Variants in ZFP82 observed in about 807,000 individuals in gnomAD.
ZFP82 encodes ZFP82 zinc finger protein.
A neutral mutation model predicts 54.0 loss-of-function variants in ZFP82; 30 were observed. The ratio of observed to expected loss-of-function variants is 0.56; its 90% confidence interval spans 0.42 to 0.75. ZFP82 has a LOEUF of 0.75. Among genes scored for constraint, ZFP82 ranks in the 30% least tolerant of loss-of-function variants. The pLI is 0.00. For synonymous variants in ZFP82, 194 were observed against 209.5 expected, an observed-to-expected ratio of 0.93 and a Z score of 0.64; for missense variants, 500 against 636.8, an observed-to-expected ratio of 0.79 and a Z score of 2.31.
At chr19:36,415,824 A>G (rs1156534178) in intron 1 of ZFP82, among the ~76,000 whole-genome samples, 4 of 152,224 alleles carry the variant, frequency 2.6e-5, no homozygotes, top group Admixed American at 6.5e-5. Context: ...TGTGGCACAA[A>G]TAAGTAACAC....
intron 4 of ZFP82, chr19:36,395,930 C>CTT (rs2032285642): frequency 6.6e-6 from 1 of 152,388 alleles, no homozygotes; most frequent in Non-Finnish European, 1.5e-5. Context: ...GAGTCTCACT[C>CTT]TGTCACCCAG....
rs2032158968 is a variant in ZFP82 at position 36,389,503 on chromosome 19, A to C, written c.*3238T>G. ...TCTATCCCTCCCACCTTTTGTTTTT[A>C]AGTATTTAAAAGTAAATCACAGGCA... On this transcript the variant is annotated 3_prime_UTR_variant, in exon 5 of 5. Transcript: ENST00000392161. Among the ~76,000 whole-genome samples the C allele has an allele frequency of 6.6e-6, 1 of 152,190 alleles. No individual in the cohort carries two copies. The highest frequency in any genetic ancestry group is 1.5e-5 in the Non-Finnish European group (1 of 68,038).
chr19:36,418,353 T>C (rs1441760617), intron 1 of ZFP82, 139 bp downstream of exon 1: 1 of 152,256 alleles, frequency 6.6e-6, no homozygotes, highest in Non-Finnish European at 1.5e-5. Flanking sequence ...CCTTCGCTCA[T>C]ACAATAGTCT....
At position 36,391,451 on chromosome 19, in the gene ZFP82, G is replaced by C. The variant is rs1231547032; in HGVS notation, c.*1290C>G. 1 of 151,504 alleles carries C rather than the reference G, an allele frequency of 6.6e-6. No individual in the cohort carries two copies. 9.4% of individuals were successfully genotyped at this position (151,504 alleles called of 1,614,324 possible). A position where few individuals can be genotyped will look rare whatever the true frequency, so the allele number is the denominator to read the frequency against. ...TTTGTCAATTTTTAATATTGACTGG[G>C]GCCAGAGAATACTGATTGTAGTTTT... is the stretch of plus-strand genomic sequence containing the variant. On this transcript the variant is annotated 3_prime_UTR_variant, in exon 5 of 5. Coordinates refer to ENST00000392161, the MANE Select transcript of ZFP82 (RefSeq NM_133466.4).
downstream of ZFP82, chr19:36,383,837 T>G (rs1259407615): frequency 6.6e-6 from 1 of 152,184 alleles, no homozygotes; most frequent in Non-Finnish European, 1.5e-5. Flanking sequence ...TTTAAGAATC[T>G]TATAATTCTT....
chr19:36,414,049 C>G (rs964707494), intron 1 of ZFP82, among the ~76,000 whole-genome samples: 1 of 151,350 alleles, frequency 6.6e-6, no homozygotes, highest in Non-Finnish European at 1.5e-5. Context: ...TACAGGTGCC[C>G]GCCACCACGC....
At chr19:36,386,065 G>A (rs2032111423), downstream of ZFP82, among the ~76,000 whole-genome samples, 1 of 152,198 alleles carries the variant, frequency 6.6e-6, no homozygotes, top group Admixed American at 6.5e-5. Flanking sequence ...ATGAATAGAA[G>A]GAAGACAGGA....
In ZFP82 at chr19:36,393,233, C is replaced by G. The variant is rs563025626; in HGVS notation, c.1107G>C (p.Lys369Asn). Residue 369 changes from lysine (K) to asparagine (N), a missense_variant, in exon 5 of 5, where the codon AAG becomes AAC. Lys to Asn is a moderately conservative substitution (Grantham distance 94, BLOSUM62 0). Coordinates refer to ENST00000392161, the MANE Select transcript of ZFP82 (RefSeq NM_133466.4). ...CACGGCTAAAGGTCTTTCCACATTCCTTACATTCATAGGGTTTCTCACCAG... is the reference window on the plus strand; with the variant it reads ...CACGGCTAAAGGTCTTTCCACATTCGTTACATTCATAGGGTTTCTCACCAG... ...IHTGEKPYEC[K>N]ECGKTFSRGY... 1.2e-6 allele frequency: 2 copies of G among 1,613,922 alleles called. No homozygotes were observed. Among genetic ancestry groups the G allele is most frequent in the South Asian group, 2.2e-5 (2 of 91,050 alleles).
rs977093392 is a variant in ZFP82 at position 36,397,477 on chromosome 19, A to G, written c.230-3367T>C. ...AAGAAAGCACAGACATAGAAATAAG[A>G]AAGAACAAATGAAAATGATCATGAA... is the stretch of plus-strand genomic sequence containing the variant. On this transcript the variant is annotated intron_variant, in intron 4 of 4. Coordinates refer to ENST00000392161, the MANE Select transcript of ZFP82 (RefSeq NM_133466.4). Among the ~76,000 whole-genome samples the G allele has an allele frequency of 9.2e-5, 14 of 152,314 alleles. No homozygotes were observed. The East Asian group carries it at 2.5e-3, about 27-fold the overall frequency.
chr19:36,390,331 CTTTTTTT>C lies in ZFP82; in HGVS notation c.*2403_*2409del, dbSNP rs10695573. 1 of 130,688 alleles carries C rather than the reference CTTTTTTT, an allele frequency of 7.7e-6. No homozygotes were observed. Among genetic ancestry groups the C allele is most frequent in the African/African-American group, 3.0e-5 (1 of 33,774 alleles). The allele number at this position is 130,688 out of a possible 1,614,324, so 8.1% of individuals were successfully genotyped here. ...TTAAAGTGTAGGATTCCATTTTTGT[CTTTTTTT>C]TTTTTTTTTTTGACATGTATTGGTT... On this transcript the variant is annotated 3_prime_UTR_variant, in exon 5 of 5. Coordinates refer to ENST00000392161, the MANE Select transcript of ZFP82 (RefSeq NM_133466.4).
intron 2 of ZFP82, 123 bp downstream of exon 2, chr19:36,409,658 T>C (rs1049886424): frequency 1.0e-5 from 10 of 1,005,008 alleles, no homozygotes; most frequent in Non-Finnish European, 1.4e-5. Context: ...CACCCGCCAC[T>C]GGATTTGGAA....
chr19:36,416,428 G>C (rs1171959016), intron 1 of ZFP82, among the ~76,000 whole-genome samples: 2 of 152,112 alleles, frequency 1.3e-5, no homozygotes, highest in Non-Finnish European at 1.5e-5. Context: ...TCCCCTGAAA[G>C]CCTCAAATGA....
intron 2 of ZFP82, 143 bp downstream of exon 2, chr19:36,409,638 C>T (rs879462539): frequency 1.5e-5 from 12 of 788,836 alleles, no homozygotes; most frequent in Non-Finnish European, 2.6e-5. Context: ...ATAGGACAAG[C>T]ATTGTGGTTC....
intron 4 of ZFP82, among the ~76,000 whole-genome samples, chr19:36,401,077 A>G (rs1298583305): frequency 9.1e-6 from 1 of 109,998 alleles, no homozygotes; most frequent in Non-Finnish European, 2.0e-5. Context: ...TTTTTTTTTA[A>G]TTTTTTTAGT....
chr19:36,412,412 T>C (rs921031932), intron 1 of ZFP82, among the ~76,000 whole-genome samples: 24 of 152,202 alleles, frequency 1.6e-4, no homozygotes, highest in African/African-American at 5.5e-4. Context: ...CCCTTGAACT[T>C]GGAGAAAAAA....
rs1191783035 is a variant in ZFP82, at chr19:36,393,800, T to G, written c.540A>C (p.Arg180Ser). 6.2e-7 allele frequency: 1 copy of G among 1,613,080 alleles called. No individual in the cohort carries two copies. Among genetic ancestry groups the G allele is most frequent in the African/African-American group, 1.3e-5 (1 of 74,620 alleles). The change falls in exon 5 of 5, where the codon AGA (arginine) becomes AGC (serine). Residue 180 changes from arginine (R) to serine (S), a missense_variant. By Grantham distance (110) the Arg-to-Ser change is moderately radical. Coordinates refer to ENST00000392161, the MANE Select transcript of ZFP82 (RefSeq NM_133466.4). ...GATGAAAAGTAAGCTGTTGGCGCAC[T>G]CTGAACGCCTTCCCACATTCCTTAC... ...YECKECGKAF[R>S]VRQQLTFHHR...
intron 4 of ZFP82, among the ~76,000 whole-genome samples, chr19:36,402,097 T>C (rs2032394365): frequency 6.6e-6 from 1 of 152,242 alleles, no homozygotes; most frequent in Non-Finnish European, 1.5e-5. Flanking sequence ...TATTATCTTA[T>C]TCACTTGGAA....
chr19:36,393,951 T>C lies in ZFP82; in HGVS notation c.389A>G (p.Gln130Arg). 6.2e-7 allele frequency: 1 copy of C among 1,614,050 alleles called. No individual in the cohort carries two copies. Among genetic ancestry groups the C allele is most frequent in the South Asian group, 1.1e-5 (1 of 91,022 alleles). ...DWESTGKIEG[Q>R]ERPQEGYFSS... Reference sequence around the variant, plus strand: ...GAAGTATCCTTCTTGAGGTCTCTCCTGTCCTTCAATTTTTCCTGTGGATTC... The same window carrying C: ...GAAGTATCCTTCTTGAGGTCTCTCCCGTCCTTCAATTTTTCCTGTGGATTC... The change falls in exon 5 of 5, where the codon CAG becomes CGG. Residue 130 changes from glutamine (Q) to arginine (R), a missense_variant. Physicochemically the swap from Gln to Arg is conservative, Grantham distance 43. Transcript: ENST00000392161.
At chr19:36,387,326 A>C (rs1285598120), downstream of ZFP82, among the ~76,000 whole-genome samples, 1 of 152,160 alleles carries the variant, frequency 6.6e-6, no homozygotes, top group Non-Finnish European at 1.5e-5. Context: ...TTAGGGAAAA[A>C]CTTGATCCCC....
Sources: allele counts gnomAD v4.1 joint callset (sites outside exome capture counted in the v4.1 genomes callset), GRCh38; gene constraint gnomAD v4.1.1; transcripts MANE v1.5; gene names NCBI Gene and HGNC (gene_info 2026-07-23, HGNC 2026-07-21).